TENM3: variants seen among roughly 807,000 people sequenced by gnomAD.
TENM3 encodes the protein teneurin transmembrane protein 3.
In TENM3, 63 loss-of-function variants were observed where a neutral mutation model predicts 255.1. That is an observed-to-expected ratio of 0.25 (90% CI 0.20 to 0.30). The LOEUF is 0.30. Ranked by LOEUF, TENM3 falls within the 10% of genes least tolerant of loss-of-function variation. The pLI is 1.00. For synonymous variants in TENM3, 1,306 were observed against 1,322.3 expected (o/e 0.99, Z 0.27); for missense variants, 2,929 against 3,461.1 (o/e 0.85, Z 3.86).
At chr4:182,045,927 A>C in the TENM3 span, among the ~76,000 whole-genome samples, 1 of 152,140 alleles carries the variant, frequency 6.6e-6, no homozygotes, top group Non-Finnish European at 1.5e-5. Flanking sequence ...ATGTGCCTGT[A>C]GTCCCAGCTG....
chr4:181,746,353 T>A, the TENM3 span, among the ~76,000 whole-genome samples: 3 of 152,142 alleles, frequency 2.0e-5, no homozygotes, highest in Non-Finnish European at 4.4e-5. Context: ...GATATTCAAG[T>A]CACCCAGGAT....
intron 1 of TENM3, among the ~76,000 whole-genome samples, chr4:182,271,711 G>A (rs558762655): frequency 8.5e-5 from 13 of 152,266 alleles, no homozygotes; most frequent in South Asian, 8.3e-4. Context: ...ATTGTATAAC[G>A]GTAATTAATT....
chr4:181,936,531 A>G, the TENM3 span, among the ~76,000 whole-genome samples: 1 of 152,132 alleles, frequency 6.6e-6, no homozygotes, highest in Admixed American at 6.5e-5. Flanking sequence ...CTTTCTATTC[A>G]TCATTTCCTG....
chr4:181,630,372 T>C, the TENM3 span, among the ~76,000 whole-genome samples: 43 of 152,188 alleles, frequency 2.8e-4, no homozygotes, highest in Non-Finnish European at 5.1e-4. Flanking sequence ...ATTTATTGCC[T>C]TCCGCTAGCT....
At chr4:182,408,439 G>A (rs1051973014) in intron 3 of TENM3, among the ~76,000 whole-genome samples, 1 of 152,170 alleles carries the variant, frequency 6.6e-6, no homozygotes, top group Non-Finnish European at 1.5e-5. Context: ...ACGGTTGGTT[G>A]TGTTTCCCTA....
chr4:182,092,495 A>G, the TENM3 span, among the ~76,000 whole-genome samples: 1 of 152,100 alleles, frequency 6.6e-6, no homozygotes, highest in East Asian at 1.9e-4. Context: ...AAAAAATTTA[A>G]AAGTTAGCCA....
chr4:182,710,305 G>A (rs563301340), intron 12 of TENM3, among the ~76,000 whole-genome samples: 1 of 152,204 alleles, frequency 6.6e-6, no homozygotes, highest in South Asian at 2.1e-4. Flanking sequence ...AGTTTATATG[G>A]CATGTAAAGT....
intron 1 of TENM3, among the ~76,000 whole-genome samples, chr4:182,308,571 C>T (rs1233153056): frequency 6.6e-6 from 1 of 152,114 alleles, no homozygotes; most frequent in Non-Finnish European, 1.5e-5. Context: ...AACTCCTGGC[C>T]TCAAGTGATC....
chr4:181,672,888 G>T, the TENM3 span, among the ~76,000 whole-genome samples: 2 of 152,268 alleles, frequency 1.3e-5, no homozygotes, highest in East Asian at 1.9e-4. Context: ...GCTTACAAAG[G>T]TGGGGCTGGC....
chr4:182,052,940 T>C, the TENM3 span, among the ~76,000 whole-genome samples: 1 of 152,186 alleles, frequency 6.6e-6, no homozygotes, highest in Non-Finnish European at 1.5e-5. Flanking sequence ...CTTAAAGTCC[T>C]GATTCAAATA....
chr4:182,443,913 T>C (rs1772700168), intron 3 of TENM3, among the ~76,000 whole-genome samples: 1 of 152,172 alleles, frequency 6.6e-6, no homozygotes, highest in Non-Finnish European at 1.5e-5. Context: ...CCACAAAGCA[T>C]TTGGTTTTTG....
the TENM3 span, among the ~76,000 whole-genome samples, chr4:181,594,230 A>T: frequency 2.0e-5 from 3 of 152,228 alleles, no homozygotes; most frequent in African/African-American, 7.2e-5. Flanking sequence ...AATTATCTAC[A>T]TGACCCAATA....
At chr4:181,784,739 A>C in the TENM3 span, among the ~76,000 whole-genome samples, 1 of 152,210 alleles carries the variant, frequency 6.6e-6, no homozygotes. Flanking sequence ...ACCAAGGGAC[A>C]GTCATCCCAA....
At chr4:182,608,893 G>A (rs1436774696) in intron 4 of TENM3, among the ~76,000 whole-genome samples, 2 of 152,222 alleles carry the variant, frequency 1.3e-5, no homozygotes, top group Non-Finnish European at 2.9e-5. Flanking sequence ...TCAGCCAGGG[G>A]CTCAGGGGCG....
chr4:182,063,243 C>A, the TENM3 span, among the ~76,000 whole-genome samples: 2 of 152,068 alleles, frequency 1.3e-5, no homozygotes, highest in Non-Finnish European at 1.5e-5. Flanking sequence ...TGCAGAAGTC[C>A]CACAAAGGAA....
At chr4:181,860,864 G>C in the TENM3 span, among the ~76,000 whole-genome samples, 1 of 152,058 alleles carries the variant, frequency 6.6e-6, no homozygotes, top group African/African-American at 2.4e-5. Context: ...TATTTATTCA[G>C]CTGGCTTTGG....
At chr4:182,309,842 G>A (rs184329989) in intron 1 of TENM3, among the ~76,000 whole-genome samples, 6 of 152,130 alleles carry the variant, frequency 3.9e-5, no homozygotes, top group African/African-American at 9.7e-5. Flanking sequence ...CTCGGACACC[G>A]GGCAATGTAC....
chr4:181,813,716 G>A, the TENM3 span, among the ~76,000 whole-genome samples: 1 of 152,214 alleles, frequency 6.6e-6, no homozygotes, highest in Non-Finnish European at 1.5e-5. Flanking sequence ...ATGAGTTTCA[G>A]TGTCGCCTCT....
intron 22 of TENM3, among the ~76,000 whole-genome samples, chr4:182,768,589 G>A (rs17074047): frequency 0.21 from 32,198 of 152,048 alleles, 3,834 homozygotes; most frequent in African/African-American, 0.29. Flanking sequence ...AGGAAAAGGA[G>A]AAAGTTAGGA....
Sources: gnomAD v4.1 joint callset for allele counts (sites outside exome capture counted in the v4.1 genomes callset) on GRCh38, gnomAD v4.1.1 for gene constraint, MANE v1.5 for transcripts, NCBI Gene and HGNC (gene_info 2026-07-23, HGNC 2026-07-21) for gene names.